The following MAGI1 variants were observed in gnomAD, a reference collection of about 807,000 sequenced individuals.
MAGI1 encodes the protein membrane associated guanylate kinase, WW and PDZ domain containing 1, also known as membrane-associated guanylate kinase, WW and PDZ domain-containing protein 1.
A neutral mutation model predicts 139.9 loss-of-function variants in MAGI1; 58 were observed. That is an observed-to-expected ratio of 0.41 (90% confidence interval 0.34 to 0.52). MAGI1 has a LOEUF of 0.52. Ranked by LOEUF, MAGI1 falls within the 20% of genes least tolerant of loss-of-function variation. The pLI is 0.12. For missense variants in MAGI1, 1,874 were observed against 1,901.6 expected, an observed-to-expected ratio of 0.99 and a Z score of 0.27; for synonymous variants, 812 against 737.9, an observed-to-expected ratio of 1.10 and a Z score of -1.63.
chr3:65,544,645 T>C (rs577743237), intron 2 of MAGI1, among the ~76,000 whole-genome samples: 97 of 152,258 alleles, frequency 6.4e-4, no homozygotes, highest in African/African-American at 2.2e-3. Flanking sequence ...TGGTCTTTTT[T>C]GTGGTTTGGA....
intron 1 of MAGI1, among the ~76,000 whole-genome samples, chr3:65,967,723 C>T (rs1470247094): frequency 1.3e-5 from 2 of 152,188 alleles, no homozygotes; most frequent in African/African-American, 4.8e-5. Flanking sequence ...TGCAGTGGTC[C>T]AACCAGGCCT....
intron 1 of MAGI1, among the ~76,000 whole-genome samples, chr3:65,775,189 T>C (rs542016224): frequency 2.0e-5 from 3 of 152,102 alleles, no homozygotes; most frequent in Non-Finnish European, 4.4e-5. Flanking sequence ...CTCCCACCTG[T>C]AATCCCAGCA....
chr3:65,914,013 A>C (rs1173334656), intron 1 of MAGI1: 2 of 152,234 alleles, frequency 1.3e-5, no homozygotes, highest in Non-Finnish European at 2.9e-5. Context: ...CAAAGAAGGA[A>C]GAAAAGAGGA....
chr3:65,947,649 G>T, intron 1 of MAGI1, among the ~76,000 whole-genome samples: 1 of 152,080 alleles, frequency 6.6e-6, no homozygotes, highest in Admixed American at 6.6e-5. Context: ...CGGGGTCTCG[G>T]TCTGTTACCC....
At chr3:65,457,624 A>T (rs1949490280) in intron 5 of MAGI1, among the ~76,000 whole-genome samples, 1 of 152,142 alleles carries the variant, frequency 6.6e-6, no homozygotes, top group Non-Finnish European at 1.5e-5. Flanking sequence ...CAAGTATTCT[A>T]GTATATAGAT....
intron 1 of MAGI1, among the ~76,000 whole-genome samples, chr3:65,850,684 G>C (rs946902456): frequency 2.6e-5 from 4 of 152,142 alleles, no homozygotes; most frequent in Admixed American, 1.3e-4. Context: ...AATAAGCAGT[G>C]CTTTAGAAGA....
intron 1 of MAGI1, among the ~76,000 whole-genome samples, chr3:65,886,917 CAT>C (rs1288239900): frequency 6.6e-6 from 1 of 152,232 alleles, no homozygotes; most frequent in East Asian, 1.9e-4. Flanking sequence ...TGATCCTACA[CAT>C]CTCTTCTCCA....
At position 65,440,004 on chromosome 3, in the gene MAGI1, T is replaced by G. The variant is rs1305900093; in HGVS notation, c.1145A>C (p.Asn382Thr). The G allele has an allele frequency of 1.2e-6, 2 of 1,614,020 alleles. No homozygotes were observed. The highest frequency in any genetic ancestry group is 1.1e-5 in the South Asian group (1 of 91,086). Reference protein sequence around the residue: ...VYGIYYVDHINRKTQYENPVL... With the variant: ...VYGIYYVDHITRKTQYENPVL... ...CGGGTTCTCATATTGTGTCTTCCTG[T>G]TGATGTGGCTGGGGAAGATAGCAAA... The change falls in exon 9 of 23, where the codon AAC (asparagine) becomes ACC (threonine). Residue 382 changes from asparagine to threonine, a missense_variant. Asn to Thr is a moderately conservative substitution (Grantham distance 65, BLOSUM62 0). This residue lies in a region of MAGI1 where 648 missense variants were observed against 598.1 expected (regional missense o/e 1.08). Transcript: ENST00000402939.
intron 3 of MAGI1, among the ~76,000 whole-genome samples, chr3:65,480,648 C>T (rs1188914520): frequency 7.4e-5 from 11 of 147,864 alleles, no homozygotes; most frequent in South Asian, 6.4e-4. Flanking sequence ...TGCAATGGCA[C>T]GATCTCGGCT....
intron 1 of MAGI1, among the ~76,000 whole-genome samples, chr3:65,984,759 G>A (rs1037188132): frequency 7.4e-5 from 11 of 149,336 alleles, no homozygotes; most frequent in African/African-American, 2.7e-4. Context: ...TGTTGCCCAG[G>A]GTGGTCTTGA....
chr3:65,492,994 C>T (rs929542460), intron 3 of MAGI1, among the ~76,000 whole-genome samples: 2 of 149,256 alleles, frequency 1.3e-5, no homozygotes, highest in Non-Finnish European at 3.0e-5. Context: ...AGGAGAATGG[C>T]ATGAACCCAG....
At chr3:65,559,815 C>A (rs1216303951) in intron 2 of MAGI1, among the ~76,000 whole-genome samples, 1 of 152,046 alleles carries the variant, frequency 6.6e-6, no homozygotes, top group Non-Finnish European at 1.5e-5. Flanking sequence ...CAGGAGGATC[C>A]CTTGAGCTGA....
chr3:65,634,299 A>G (rs1409162843), intron 1 of MAGI1, among the ~76,000 whole-genome samples: 1 of 152,204 alleles, frequency 6.6e-6, no homozygotes, highest in African/African-American at 2.4e-5. Context: ...AAACCAACAC[A>G]TATTCTTTCT....
At chr3:65,516,886 C>A (rs1316203963) in intron 2 of MAGI1, among the ~76,000 whole-genome samples, 1 of 91,604 alleles carries the variant, frequency 1.1e-5, no homozygotes, top group Non-Finnish European at 2.3e-5. Flanking sequence ...CGCCACTACG[C>A]CCGGCTAATT....
chr3:65,903,414 A>G (rs1559995596), intron 1 of MAGI1, among the ~76,000 whole-genome samples: 1 of 152,178 alleles, frequency 6.6e-6, no homozygotes, highest in Non-Finnish European at 1.5e-5. Flanking sequence ...TCTAGAGTTC[A>G]GTTTCCTCAT....
chr3:65,610,184 G>C (rs1441023894), intron 2 of MAGI1, among the ~76,000 whole-genome samples: 1 of 152,132 alleles, frequency 6.6e-6, no homozygotes, highest in Non-Finnish European at 1.5e-5. Flanking sequence ...CTTGACTCAA[G>C]TGGATTGGAA....
At chr3:65,855,612 T>G (rs1360638725) in intron 1 of MAGI1, among the ~76,000 whole-genome samples, 2 of 590 alleles carry the variant, frequency 3.4e-3, no homozygotes, top group Non-Finnish European at 6.4e-3. Context: ...AGACGGGAGA[T>G]GGGGAGGAGA....
intron 14 of MAGI1, among the ~76,000 whole-genome samples, chr3:65,389,321 G>C (rs1943706663): frequency 6.6e-6 from 1 of 152,086 alleles, no homozygotes; most frequent in Non-Finnish European, 1.5e-5. Context: ...ATTTGAGCAA[G>C]AGCCTTCTAT....
Position 65,943,690 on chromosome 3 carries a change from T to G in MAGI1, c.313+94306A>C, listed in dbSNP as rs140929747. On this transcript the variant is annotated intron_variant, in intron 1 of 22. Transcript: ENST00000402939. ...ATGTGTGTATATAGATTCTGGTTTG[T>G]AATCCACAGTACAGATTTCACTACA... Among the ~76,000 whole-genome samples, 230 of 152,288 alleles carry G rather than the reference T, an allele frequency of 1.5e-3. 1 individual carries two copies. The highest frequency in any genetic ancestry group is 5.2e-3 in the Admixed American group (79 of 15,280).
Sources: gnomAD v4.1 joint callset for allele counts (sites outside exome capture counted in the v4.1 genomes callset) on GRCh38, gnomAD v4.1.1 for gene constraint, gnomAD v4.1.1 regional missense constraint, MANE v1.5 for transcripts, NCBI Gene and HGNC (gene_info 2026-07-23, HGNC 2026-07-21) for gene names.